The following CCSER1 variants were observed in gnomAD, a reference collection of about 807,000 sequenced individuals.
CCSER1 encodes the protein serine-rich coiled-coil domain-containing protein 1.
CCSER1 carries 41 observed loss-of-function variants against 82.0 expected under a neutral mutation model. That is an observed-to-expected ratio of 0.50 (90% CI 0.39 to 0.65). CCSER1 has a LOEUF of 0.65. CCSER1 is among the 30% of genes least tolerant of loss of function. The probability of loss-of-function intolerance (pLI) is 0.00; values close to 1 mark genes in which losing one functional copy is unlikely to be tolerated. For missense variants in CCSER1, 1,119 were observed against 1,064.2 expected, an observed-to-expected ratio of 1.05 and a Z score of -0.72; for synonymous variants, 414 against 383.9, an observed-to-expected ratio of 1.08 and a Z score of -0.92.
chr4:90,707,920 C>T (rs1242703541), intron 6 of CCSER1, among the ~76,000 whole-genome samples: 1 of 152,166 alleles, frequency 6.6e-6, no homozygotes, highest in Non-Finnish European at 1.5e-5. Context: ...TTTCGGTTTA[C>T]AAGCTGCCAA....
At chr4:91,078,155 C>T (rs1274523940) in intron 9 of CCSER1, among the ~76,000 whole-genome samples, 1 of 152,224 alleles carries the variant, frequency 6.6e-6, no homozygotes, top group East Asian at 1.9e-4. Flanking sequence ...CAAGCAGGTT[C>T]CTGACCCCTG....
intron 8 of CCSER1, among the ~76,000 whole-genome samples, chr4:90,820,244 G>A (rs1195016057): frequency 6.6e-6 from 1 of 152,098 alleles, no homozygotes; most frequent in Admixed American, 6.6e-5. Context: ...TTGGGCATTG[G>A]TTTCTTCAAC....
intron 8 of CCSER1, among the ~76,000 whole-genome samples, chr4:90,908,974 G>C (rs1292480178): frequency 6.6e-6 from 1 of 152,146 alleles, no homozygotes; most frequent in Non-Finnish European, 1.5e-5. Context: ...TTTCTCAGAA[G>C]TCTTTCTTGA....
chr4:90,346,883 C>T (rs1742440233), intron 3 of CCSER1, among the ~76,000 whole-genome samples: 1 of 151,790 alleles, frequency 6.6e-6, no homozygotes, highest in Admixed American at 6.6e-5. Context: ...AATTTCTTTC[C>T]CCAGTAACCT....
chr4:90,423,196 A>G (rs1756979220), intron 4 of CCSER1, among the ~76,000 whole-genome samples: 1 of 152,036 alleles, frequency 6.6e-6, no homozygotes, highest in Admixed American at 6.5e-5. Context: ...AAAATTATCA[A>G]TTTTACCAGG....
At chr4:90,488,719 A>C (rs1003259787) in intron 5 of CCSER1, among the ~76,000 whole-genome samples, 1 of 152,186 alleles carries the variant, frequency 6.6e-6, no homozygotes, top group African/African-American at 2.4e-5. Flanking sequence ...AAAGGTACAA[A>C]ATAGAATGCT....
intron 5 of CCSER1, among the ~76,000 whole-genome samples, chr4:90,512,489 C>T (rs918379601): frequency 6.6e-6 from 1 of 152,104 alleles, no homozygotes; most frequent in Non-Finnish European, 1.5e-5. Flanking sequence ...AGTAGTTCAA[C>T]AGACTGACAG....
At chr4:90,879,940 G>A (rs1437982291) in intron 8 of CCSER1, among the ~76,000 whole-genome samples, 1 of 152,122 alleles carries the variant, frequency 6.6e-6, no homozygotes, top group African/African-American at 2.4e-5. Context: ...TTTGTGCAAG[G>A]TTTTTATTTG....
intron 10 of CCSER1, among the ~76,000 whole-genome samples, chr4:91,311,822 C>A (rs1248758840): frequency 6.6e-6 from 1 of 151,800 alleles, no homozygotes; most frequent in Non-Finnish European, 1.5e-5. Flanking sequence ...ACATAGACAT[C>A]TTTTCAATAA....
intron 10 of CCSER1, among the ~76,000 whole-genome samples, chr4:91,354,476 G>A (rs1748689706): frequency 6.6e-6 from 1 of 152,092 alleles, no homozygotes; most frequent in Admixed American, 6.5e-5. Context: ...ATTCTGGGTG[G>A]GCCCAAATAG....
intron 9 of CCSER1, among the ~76,000 whole-genome samples, chr4:91,045,518 A>C (rs1376999461): frequency 6.6e-6 from 1 of 152,180 alleles, no homozygotes; most frequent in East Asian, 1.9e-4. Flanking sequence ...ATCAAATTAA[A>C]ACTTCATTAT....
At chr4:90,531,687 A>AT (rs1188977869) in intron 5 of CCSER1, among the ~76,000 whole-genome samples, 1 of 152,100 alleles carries the variant, frequency 6.6e-6, no homozygotes, top group South Asian at 2.1e-4. Context: ...ATAGAGAGTT[A>AT]TTTTTTACCC....
chr4:91,428,365 T>C (rs1028782738), intron 10 of CCSER1, among the ~76,000 whole-genome samples: 1 of 152,100 alleles, frequency 6.6e-6, no homozygotes, highest in African/African-American at 2.4e-5. Flanking sequence ...ATGGACAACA[T>C]TTATTCAAAA....
At chr4:91,264,325 C>T (rs1285510560) in intron 10 of CCSER1, among the ~76,000 whole-genome samples, 3 of 151,608 alleles carry the variant, frequency 2.0e-5, no homozygotes. Flanking sequence ...ATAAAAAAAT[C>T]ATGGTTGTAG....
At chr4:91,482,153 AG>A (rs1253821809) in intron 10 of CCSER1, among the ~76,000 whole-genome samples, 2 of 151,430 alleles carry the variant, frequency 1.3e-5, no homozygotes, top group African/African-American at 2.4e-5. Flanking sequence ...CTGTAATCCC[AG>A]CACTTTGGGA....
At chr4:91,018,362 A>G (rs1241854859) in intron 9 of CCSER1, among the ~76,000 whole-genome samples, 2 of 152,072 alleles carry the variant, frequency 1.3e-5, no homozygotes, top group African/African-American at 4.8e-5. Flanking sequence ...GGTTGAATTT[A>G]TCTCCAAATA....
At chr4:91,583,763 A>G (rs1433570476) in intron 10 of CCSER1, among the ~76,000 whole-genome samples, 1 of 151,462 alleles carries the variant, frequency 6.6e-6, no homozygotes, top group African/African-American at 2.4e-5. Context: ...ATTTTGATAG[A>G]TCAGATGTCT....
In CCSER1 at chr4:90,480,207, C is replaced by A. The variant is rs534991518; in HGVS notation, c.1724+11853C>A. ...GAATTGTCTGTTCATATCCTTCGACCACTTTTTGATGGGGTTGTTTGTTTT... is the reference window on the plus strand; with the variant it reads ...GAATTGTCTGTTCATATCCTTCGACAACTTTTTGATGGGGTTGTTTGTTTT... On this transcript the variant is annotated intron_variant, in intron 5 of 10. Coordinates refer to ENST00000509176, the MANE Select transcript of CCSER1 (RefSeq NM_001145065.2). 9.9e-5 allele frequency among the ~76,000 whole-genome samples: 15 copies of A among 152,238 alleles called. No individual in the cohort carries two copies. In the East Asian group the frequency reaches 2.3e-3, roughly 24 times the overall value.
At chr4:91,298,260 A>G (rs1744377233) in intron 10 of CCSER1, among the ~76,000 whole-genome samples, 1 of 152,022 alleles carries the variant, frequency 6.6e-6, no homozygotes, top group African/African-American at 2.4e-5. Flanking sequence ...GCTGAATTGG[A>G]AATCAGGACA....
Sources: allele counts gnomAD v4.1 joint callset (sites outside exome capture counted in the v4.1 genomes callset), GRCh38; gene constraint gnomAD v4.1.1; transcripts MANE v1.5; gene names NCBI Gene and HGNC (gene_info 2026-07-23, HGNC 2026-07-21).